DLG3: variants seen among roughly 807,000 people sequenced by gnomAD.
DLG3 encodes disks large homolog 3.
In DLG3, 1 loss-of-function variant was observed where a neutral mutation model predicts 64.1. The observed-to-expected ratio is 0.02, with a 90% CI of 0.01 to 0.07. DLG3 has a LOEUF of 0.07. Ranked by LOEUF, DLG3 falls within the 10% of genes least tolerant of loss-of-function variation. DLG3 has a pLI of 1.00. For synonymous variants in DLG3, 245 were observed against 259.8 expected (o/e 0.94, Z 0.55); for missense variants, 429 against 669.5 (o/e 0.64, Z 3.96).
chrX:70,477,304 C>T, intron 9 of DLG3, among the ~76,000 whole-genome samples: 1 of 112,470 alleles, frequency 8.9e-6, no homozygotes. Context: ...CTCTCTTTGA[C>T]TTATCTTCCC....
intron 12 of DLG3, chrX:70,493,539 C>T (rs2087399517): frequency 5.9e-6 from 6 of 1,021,909 alleles, no homozygotes; most frequent in Non-Finnish European, 6.8e-6. Flanking sequence ...CCTCAGTTGC[C>T]CTTCCCTCGA....
chrX:70,445,265 C>A lies in DLG3; in HGVS notation c.64C>A (p.Leu22Met). The change falls in exon 1 of 19, where the codon CTG becomes ATG. Residue 22 changes from leucine to methionine, a missense_variant. By Grantham distance (15) the Leu-to-Met change is conservative. Around this residue, in one of 9 missense-constraint regions of DLG3, gnomAD observed 123 missense variants for 113.3 expected, o/e 1.09. Coordinates refer to ENST00000374360, the MANE Select transcript of DLG3 (RefSeq NM_021120.4). ...CTATGAGGTGACCCGCCTGGCCGCCCTGCGGCGCCTCGAGCCTCCGGGCTA... is the reference window on the plus strand; with the variant it reads ...CTATGAGGTGACCCGCCTGGCCGCCATGCGGCGCCTCGAGCCTCCGGGCTA... Reference protein sequence around the residue: ...ECYEVTRLAALRRLEPPGYGD... With the variant: ...ECYEVTRLAAMRRLEPPGYGD... 1 of 1,164,829 alleles carries A rather than the reference C, an allele frequency of 8.6e-7. No homozygotes were observed. The highest frequency in any genetic ancestry group is 1.1e-6 in the Non-Finnish European group (1 of 873,146).
chrX:70,467,992 T>A (rs930445170), intron 9 of DLG3, among the ~76,000 whole-genome samples: 4 of 112,173 alleles, frequency 3.6e-5, no homozygotes, highest in African/African-American at 1.3e-4. Flanking sequence ...CTGTGAATAC[T>A]TTTTCTTAGT....
At chrX:70,445,688 C>A in intron 1 of DLG3, 130 bp downstream of exon 1, 1 of 613,097 alleles carries the variant, frequency 1.6e-6, no homozygotes, top group Non-Finnish European at 2.6e-6. Context: ...AGCATTGCAG[C>A]TGGGCAAAGA....
chrX:70,477,567 A>G lies in DLG3; in HGVS notation c.1406-1583A>G, dbSNP rs191296774. ...GATGGCTTGCCGTGTAACCCTCAGA[A>G]CAGGAACATTGTCCAGCTGTTGTCT... On this transcript the variant is annotated intron_variant, in intron 9 of 18. Coordinates refer to ENST00000374360, the MANE Select transcript of DLG3 (RefSeq NM_021120.4). 9.7e-4 allele frequency among the ~76,000 whole-genome samples: 108 copies of G among 111,098 alleles called. 3 individuals are homozygous for G. Among genetic ancestry groups the G allele is most frequent in the Non-Finnish European group, 9.4e-4 (50 of 52,956 alleles).
chrX:70,477,597 A>G (rs993130519), intron 9 of DLG3, among the ~76,000 whole-genome samples: 5 of 110,104 alleles, frequency 4.5e-5, no homozygotes, highest in Non-Finnish European at 7.6e-5. Context: ...TTGTCTCTCT[A>G]CCCTCCGCCA....
At chrX:70,494,888 T>C (rs1417405321) in intron 12 of DLG3, among the ~76,000 whole-genome samples, 1 of 112,636 alleles carries the variant, frequency 8.9e-6, no homozygotes, top group East Asian at 2.8e-4. Context: ...TGAATCAGTA[T>C]TGGGCAAAGG....
In DLG3 at chrX:70,495,323, C is replaced by T. The variant is rs896207901; in HGVS notation, c.1774-85C>T. 43 of 921,522 alleles carry T rather than the reference C, an allele frequency of 4.7e-5. No individual in the cohort carries two copies. In the African/African-American group the frequency reaches 7.6e-4, roughly 16 times the overall value. 75.9% of individuals were successfully genotyped at this position (921,522 alleles called of 1,213,427 possible). A position where few individuals can be genotyped will look rare whatever the true frequency, so the allele number is the denominator to read the frequency against. On this transcript the variant is annotated intron_variant, in intron 12 of 18. Coordinates refer to ENST00000374360, the MANE Select transcript of DLG3 (RefSeq NM_021120.4). ...TTTTCTCTTCTCCCCAAATCTCTCC[C>T]TCTCTTCCATTCCCTCCCATCCCTT... is the stretch of plus-strand genomic sequence containing the variant.
chrX:70,455,443 G>A (rs1276644243), intron 9 of DLG3, among the ~76,000 whole-genome samples: 2 of 108,374 alleles, frequency 1.8e-5, no homozygotes, highest in African/African-American at 6.8e-5. Flanking sequence ...GGAGCGCCGC[G>A]CGGGGCTCAG....
chrX:70,453,427 GA>G, intron 7 of DLG3: 1 of 473,123 alleles, frequency 2.1e-6, no homozygotes, highest in Non-Finnish European at 3.4e-6. Flanking sequence ...AAGCCCTCGG[GA>G]AGAAGGGAGG....
Position 70,445,082 on chromosome X carries a change from T to G in DLG3, c.-120T>G. 1 of 538,779 alleles carries G rather than the reference T, an allele frequency of 1.9e-6. No homozygotes were observed. The highest frequency in any genetic ancestry group is 2.7e-6 in the Non-Finnish European group (1 of 369,137). The allele number at this position is 538,779 out of a possible 1,213,427, so 44.4% of individuals were successfully genotyped here. A position where few individuals can be genotyped will look rare whatever the true frequency, so the allele number is the denominator to read the frequency against. ...GCCCCCACGGGTGCCCCCCCCTTCT[T>G]GGTCCGAGCAGTGTGAGTGTGCCAG... is the stretch of plus-strand genomic sequence containing the variant. On this transcript the variant is annotated 5_prime_UTR_variant, in exon 1 of 19. Coordinates refer to ENST00000374360, the MANE Select transcript of DLG3 (RefSeq NM_021120.4).
chrX:70,470,840 A>G (rs2086957263), intron 9 of DLG3, among the ~76,000 whole-genome samples: 1 of 111,765 alleles, frequency 8.9e-6, no homozygotes, highest in Non-Finnish European at 1.9e-5. Context: ...ACGGACTTGG[A>G]AGCCTGGGTG....
intron 10 of DLG3, among the ~76,000 whole-genome samples, chrX:70,485,695 C>G (rs982426038): frequency 1.8e-5 from 2 of 112,115 alleles, no homozygotes; most frequent in African/African-American, 6.5e-5. Context: ...ATTAAGACAT[C>G]ACGGTGGCTG....
intron 7 of DLG3, chrX:70,452,458 C>A: frequency 1.0e-6 from 1 of 974,996 alleles, no homozygotes; most frequent in South Asian, 4.7e-5. Flanking sequence ...AACGGCCCCG[C>A]CCCGCTGGCG....
chrX:70,479,297 C>T, intron 10 of DLG3, 33 bp downstream of exon 10: 1 of 1,082,834 alleles, frequency 9.2e-7, no homozygotes, highest in Non-Finnish European at 1.3e-6. Context: ...AGCCCTTGTG[C>T]TGGACGAGGA....
intron 10 of DLG3, among the ~76,000 whole-genome samples, chrX:70,488,014 C>CT (rs1268928295): frequency 1.8e-5 from 2 of 108,441 alleles, no homozygotes; most frequent in Non-Finnish European, 3.8e-5. Flanking sequence ...GAAGAATTAG[C>CT]TTTTTTTTCT....
chrX:70,492,880 G>A (rs1276226078), intron 12 of DLG3, among the ~76,000 whole-genome samples: 2 of 111,787 alleles, frequency 1.8e-5, no homozygotes, highest in Non-Finnish European at 3.8e-5. Flanking sequence ...GAAACCACTC[G>A]TGGGTGTCTC....
Position 70,498,551 on chromosome X carries a change from G to T in DLG3, c.1851G>T (p.Glu617Asp). 1 of 1,209,032 alleles carries T rather than the reference G, an allele frequency of 8.3e-7. No homozygotes were observed. The highest frequency in any genetic ancestry group is 1.1e-6 in the Non-Finnish European group (1 of 894,061). ...KGQEDAILSYEPVTRQEIHYA... is the reference protein window; with the variant it reads ...KGQEDAILSYDPVTRQEIHYA... The stretch of plus-strand genomic sequence containing the variant: ...AAGAGGATGCTATTTTGTCATATGA[G>T]CCAGTGACACGGCAAGAAAGTAAGC... Residue 617 changes from glutamate to aspartate, a missense_variant, in exon 14 of 19, where the codon GAG becomes GAT. Around this residue, in one of 9 missense-constraint regions of DLG3, gnomAD observed 46 missense variants for 64.4 expected, o/e 0.71. Coordinates refer to ENST00000374360, the MANE Select transcript of DLG3 (RefSeq NM_021120.4).
intron 10 of DLG3, among the ~76,000 whole-genome samples, chrX:70,482,472 T>C (rs2087170972): frequency 9.0e-6 from 1 of 110,976 alleles, no homozygotes. Context: ...AAACTGAGAC[T>C]CCAGTTAGAT....
Sources: gnomAD v4.1 joint callset for allele counts (sites outside exome capture counted in the v4.1 genomes callset) on GRCh38, gnomAD v4.1.1 for gene constraint, gnomAD v4.1.1 regional missense constraint, MANE v1.5 for transcripts, NCBI Gene and HGNC (gene_info 2026-07-23, HGNC 2026-07-21) for gene names.